The following CNTNAP2 variants were observed in gnomAD, a reference collection of about 807,000 sequenced individuals.
CNTNAP2 encodes contactin associated protein 2.
Under a neutral mutation model 155.2 loss-of-function variants are expected in CNTNAP2, and 98 were observed. That is an observed-to-expected ratio of 0.63 (90% confidence interval 0.54 to 0.75). The LOEUF is 0.75. Among genes scored for constraint, CNTNAP2 ranks in the 30% least tolerant of loss-of-function variants. The pLI, the probability that CNTNAP2 is intolerant of heterozygous loss-of-function variation, is 0.00. For missense variants in CNTNAP2, 1,727 were observed against 1,688.1 expected, an observed-to-expected ratio of 1.02 and a Z score of -0.40; for synonymous variants, 651 against 631.2, an observed-to-expected ratio of 1.03 and a Z score of -0.47.
intron 1 of CNTNAP2, among the ~76,000 whole-genome samples, chr7:146,626,015 C>T (rs558723112): frequency 2.6e-4 from 40 of 152,044 alleles, no homozygotes; most frequent in Non-Finnish European, 4.1e-4. Context: ...AATCATTTCT[C>T]ATTTCTTCTG....
At chr7:147,841,961 A>G (rs374979615) in intron 13 of CNTNAP2, among the ~76,000 whole-genome samples, 1 of 148,478 alleles carries the variant, frequency 6.7e-6, no homozygotes, top group Non-Finnish European at 1.5e-5. Flanking sequence ...ATTTTAAATT[A>G]TAAACCAAAC....
At position 148,137,191 on chromosome 7, in the gene CNTNAP2, C is replaced by A. The variant is rs148120442; in HGVS notation, c.2555-10300C>A. ...AGATTCTATATTTTTAATGTTCAAC[C>A]CTTAGTTTCCTCATTTCTAATATTC... On this transcript the variant is annotated intron_variant, in intron 16 of 23. Coordinates refer to ENST00000361727, the MANE Select transcript of CNTNAP2 (RefSeq NM_014141.6). 8.9e-4 allele frequency among the ~76,000 whole-genome samples: 135 copies of A among 152,292 alleles called. 1 individual carries two copies. The East Asian group carries it at 0.025, about 29-fold the overall frequency.
At chr7:148,002,244 A>T (rs1801911512) in intron 15 of CNTNAP2, among the ~76,000 whole-genome samples, 1 of 152,116 alleles carries the variant, frequency 6.6e-6, no homozygotes, top group Non-Finnish European at 1.5e-5. Flanking sequence ...GTGTATTTTC[A>T]TGGTAGGAAG....
chr7:147,970,390 T>G (rs1801312964), intron 14 of CNTNAP2, among the ~76,000 whole-genome samples: 1 of 152,138 alleles, frequency 6.6e-6, no homozygotes, highest in Non-Finnish European at 1.5e-5. Flanking sequence ...ATGGAAAAAG[T>G]ACAGTGTATT....
At chr7:147,156,719 G>T (rs1185616114) in intron 8 of CNTNAP2, among the ~76,000 whole-genome samples, 1 of 152,106 alleles carries the variant, frequency 6.6e-6, no homozygotes, top group African/African-American at 2.4e-5. Context: ...TTTTATTTGG[G>T]ACAGATGACC....
chr7:147,675,420 A>G (rs183820490), intron 13 of CNTNAP2, among the ~76,000 whole-genome samples: 1 of 152,166 alleles, frequency 6.6e-6, no homozygotes, highest in African/African-American at 2.4e-5. Flanking sequence ...AACCAAGGGG[A>G]TATCTAAATG....
intron 15 of CNTNAP2, among the ~76,000 whole-genome samples, chr7:148,075,059 T>G (rs1349715809): frequency 6.6e-6 from 1 of 152,214 alleles, no homozygotes; most frequent in African/African-American, 2.4e-5. Flanking sequence ...CTCCTTCCCA[T>G]TTTTTCATAG....
At position 147,971,414 on chromosome 7, in the gene CNTNAP2, A is replaced by G. The variant is rs145680364; in HGVS notation, c.2256-6448A>G. On this transcript the variant is annotated intron_variant, in intron 14 of 23. Coordinates refer to ENST00000361727, the MANE Select transcript of CNTNAP2 (RefSeq NM_014141.6). Reference sequence around the variant, plus strand: ...TGTGCAACAAATCAACACAATCCCAACTTAGGACATCAACATTATCCCTAT... The same window carrying G: ...TGTGCAACAAATCAACACAATCCCAGCTTAGGACATCAACATTATCCCTAT... Among the ~76,000 whole-genome samples, 377 of 152,224 alleles carry G rather than the reference A, an allele frequency of 2.5e-3. 1 individual carries two copies. Among genetic ancestry groups the G allele is most frequent in the African/African-American group, 8.9e-3 (370 of 41,544 alleles).
At chr7:146,233,265 A>G (rs188125370) in intron 1 of CNTNAP2, among the ~76,000 whole-genome samples, 1 of 152,284 alleles carries the variant, frequency 6.6e-6, no homozygotes, top group Admixed American at 6.5e-5. Flanking sequence ...TTGATCAAAG[A>G]GCTTAATTCT....
intron 2 of CNTNAP2, among the ~76,000 whole-genome samples, chr7:146,777,902 GA>G (rs1018016651): frequency 1.6e-4 from 21 of 128,344 alleles, no homozygotes; most frequent in African/African-American, 7.3e-4. Context: ...AGAGAAAAGA[GA>G]TTTTTTTTTT....
At chr7:147,803,086 A>C (rs1170211797) in intron 13 of CNTNAP2, among the ~76,000 whole-genome samples, 1 of 152,222 alleles carries the variant, frequency 6.6e-6, no homozygotes, top group African/African-American at 2.4e-5. Context: ...TTAGAGGAAA[A>C]GTACTGTAAT....
intron 15 of CNTNAP2, among the ~76,000 whole-genome samples, chr7:148,038,624 G>T (rs1304331625): frequency 6.6e-6 from 1 of 152,152 alleles, no homozygotes; most frequent in Non-Finnish European, 1.5e-5. Flanking sequence ...CAAGAGTTTA[G>T]TCTACCCCTC....
chr7:147,407,392 C>T (rs1301541172), intron 10 of CNTNAP2, among the ~76,000 whole-genome samples: 13 of 141,986 alleles, frequency 9.2e-5, no homozygotes, highest in South Asian at 2.3e-4. Context: ...GGCGTGAACC[C>T]GGGAGGTGGA....
rs762635334 is a variant in CNTNAP2 at position 147,095,523 on chromosome 7, G to GTA, written c.551-12612_551-12611dup. 1.2e-3 allele frequency among the ~76,000 whole-genome samples: 186 copies of GTA among 150,848 alleles called. 1 individual carries two copies. The highest frequency in any genetic ancestry group is 0.011 in the Middle Eastern group (3 of 282). Reference sequence around the variant, plus strand: ...TAAAATATTTGTAAAATTTATATATGTATATATATATATTTTCTTTTTAGT... The same window carrying GTA: ...TAAAATATTTGTAAAATTTATATATGTATATATATATATATTTTCTTTTTAGT... On this transcript the variant is annotated intron_variant, in intron 4 of 23. Coordinates refer to ENST00000361727, the MANE Select transcript of CNTNAP2 (RefSeq NM_014141.6).
intron 1 of CNTNAP2, among the ~76,000 whole-genome samples, chr7:146,371,375 T>C (rs983975757): frequency 7.2e-6 from 1 of 138,022 alleles, no homozygotes; most frequent in African/African-American, 2.9e-5. Context: ...GTTTTTTTTT[T>C]TTTTTTTTTT....
At chr7:147,756,181 G>T (rs747889081) in intron 13 of CNTNAP2, among the ~76,000 whole-genome samples, 5 of 152,188 alleles carry the variant, frequency 3.3e-5, no homozygotes, top group Non-Finnish European at 7.3e-5. Flanking sequence ...TCAGATATAG[G>T]TGTGCTTGCT....
intron 1 of CNTNAP2, among the ~76,000 whole-genome samples, chr7:146,698,541 G>T (rs933234624): frequency 2.6e-5 from 4 of 152,140 alleles, no homozygotes; most frequent in African/African-American, 9.6e-5. Flanking sequence ...CTTCTTTGAA[G>T]ATTTTCTTCT....
chr7:146,372,963 T>C (rs1482378485), intron 1 of CNTNAP2, among the ~76,000 whole-genome samples: 2 of 152,124 alleles, frequency 1.3e-5, no homozygotes, highest in Non-Finnish European at 1.5e-5. Flanking sequence ...AGATCACATA[T>C]TACCTGAAAA....
At chr7:148,268,594 A>G (rs13245160) in intron 21 of CNTNAP2, among the ~76,000 whole-genome samples, 54,832 of 151,726 alleles carry the variant, frequency 0.36, 11,608 homozygotes, top group East Asian at 0.62. Context: ...GGCGGAGCTT[A>G]CAGTGAGCCG....
Sources: allele counts gnomAD v4.1 joint callset (sites outside exome capture counted in the v4.1 genomes callset), GRCh38; gene constraint gnomAD v4.1.1; transcripts MANE v1.5; gene names NCBI Gene and HGNC (gene_info 2026-07-23, HGNC 2026-07-21).